The following F13A1 variants were observed in gnomAD, a reference collection of about 807,000 sequenced individuals.
F13A1 encodes FSF, A subunit.
F13A1 carries 47 observed loss-of-function variants against 80.1 expected under a neutral mutation model. The observed-to-expected ratio is 0.59, with a 90% CI of 0.46 to 0.75. F13A1 has a LOEUF of 0.75. Among genes scored for constraint, F13A1 ranks in the 30% least tolerant of loss-of-function variants. The probability of loss-of-function intolerance (pLI) is 0.00; values close to 1 mark genes in which losing one functional copy is unlikely to be tolerated. For missense variants in F13A1, 817 were observed against 930.4 expected (o/e 0.88, Z 1.59); for synonymous variants, 349 against 344.9 (o/e 1.01, Z -0.13).
chr6:6,286,088 A>C (rs1758136118), intron 3 of F13A1, among the ~76,000 whole-genome samples: 1 of 152,384 alleles, frequency 6.6e-6, no homozygotes, highest in Admixed American at 6.5e-5. Context: ...AGACCCCAGA[A>C]GTATGCCAAC....
chr6:6,161,519 A>C (rs1206302401), intron 13 of F13A1, among the ~76,000 whole-genome samples: 1 of 102,494 alleles, frequency 9.8e-6, no homozygotes, highest in Non-Finnish European at 2.1e-5. Context: ...AAGTTCAGAG[A>C]GAGGATGTGT....
chr6:6,295,448 G>A lies in F13A1; in HGVS notation c.319+9903C>T, dbSNP rs1408091469. Reference sequence around the variant, plus strand: ...TAATGATTGCCATTCTAACTGGTGTGAGATGGCATCTCATTGTGGTTTTGA... The same window carrying A: ...TAATGATTGCCATTCTAACTGGTGTAAGATGGCATCTCATTGTGGTTTTGA... On this transcript the variant is annotated intron_variant, in intron 3 of 14. Transcript: ENST00000264870. 1.3e-5 allele frequency among the ~76,000 whole-genome samples: 2 copies of A among 148,260 alleles called. 1 individual carries two copies. The highest frequency in any genetic ancestry group is 5.2e-5 in the African/African-American group (2 of 38,242).
At position 6,250,929 on chromosome 6, in the gene F13A1, T is replaced by C; in HGVS notation, c.572A>G (p.Asp191Gly). 1.3e-6 allele frequency: 2 copies of C among 1,593,844 alleles called. No homozygotes were observed. Among genetic ancestry groups the C allele is most frequent in the South Asian group, 1.1e-5 (1 of 90,714 alleles). Residue 191 changes from aspartate to glycine, a missense_variant and splice_region_variant, in exon 5 of 15, where the codon GAT (aspartate) becomes GGT (glycine). Physicochemically the swap from Asp to Gly is moderately conservative, Grantham distance 94. Coordinates refer to ENST00000264870, the MANE Select transcript of F13A1 (RefSeq NM_000129.4). The surrounding 1 kb of genome is among the most constrained non-coding windows in gnomAD (Gnocchi z 4.2). The stretch of plus-strand genomic sequence containing the variant: ...CTCATTGTCCAGATACACAGCATCA[T>C]CTGCATCAGGGTTTAAACATAGTGA... ...TYILFNPWCE[D>G]DAVYLDNEKE...
intron 4 of F13A1, among the ~76,000 whole-genome samples, chr6:6,258,228 T>C (rs916064251): frequency 1.3e-5 from 2 of 152,218 alleles, no homozygotes; most frequent in African/African-American, 4.8e-5. Flanking sequence ...CTATAGGACT[T>C]TGAGAAATGC....
chr6:6,273,205 A>G (rs78359565), intron 3 of F13A1, among the ~76,000 whole-genome samples: 5 of 152,312 alleles, frequency 3.3e-5, no homozygotes, highest in African/African-American at 1.2e-4. Context: ...TTAGATATCT[A>G]TTCCGCTTGT....
At chr6:6,253,641 G>C (rs769742016) in intron 4 of F13A1, among the ~76,000 whole-genome samples, 1 of 152,182 alleles carries the variant, frequency 6.6e-6, no homozygotes, top group African/African-American at 2.4e-5. Flanking sequence ...CCCTGAGTAA[G>C]TGCTTATTGT....
chr6:6,306,009 G>A (rs1312084761), intron 2 of F13A1, among the ~76,000 whole-genome samples: 1 of 152,120 alleles, frequency 6.6e-6, no homozygotes, highest in African/African-American at 2.4e-5. Flanking sequence ...AGCCTCAAGG[G>A]GACATTCGAA....
chr6:6,148,948 C>T (rs1199184678), intron 14 of F13A1, among the ~76,000 whole-genome samples: 1 of 149,744 alleles, frequency 6.7e-6, no homozygotes, highest in East Asian at 2.0e-4. Flanking sequence ...ATAAACCAGA[C>T]ATGGAAAGAC....
At chr6:6,281,993 CAAAAAAAAAAA>C (rs10584369) in intron 3 of F13A1, among the ~76,000 whole-genome samples, 1 of 93,396 alleles carries the variant, frequency 1.1e-5, no homozygotes, top group East Asian at 3.2e-4. Flanking sequence ...GACTCCGTCT[CAAAAAAAAAAA>C]AAAAAAAAAA....
At chr6:6,246,435 G>A (rs1395510166) in intron 6 of F13A1, among the ~76,000 whole-genome samples, 2 of 152,234 alleles carry the variant, frequency 1.3e-5, no homozygotes, top group Non-Finnish European at 2.9e-5. Flanking sequence ...AGGGTATGAC[G>A]GAAATGGAAA....
At chr6:6,229,234 G>T (rs1031432038) in intron 6 of F13A1, among the ~76,000 whole-genome samples, 32 of 151,788 alleles carry the variant, frequency 2.1e-4, no homozygotes, top group African/African-American at 7.5e-4. Flanking sequence ...AGAGAGAGAG[G>T]GAGAGATCAT....
chr6:6,240,872 C>T (rs1583089225), intron 6 of F13A1, among the ~76,000 whole-genome samples: 1 of 152,092 alleles, frequency 6.6e-6, no homozygotes, highest in South Asian at 2.1e-4. Context: ...ATAGAAATGA[C>T]TTTCATTCTT....
At chr6:6,226,935 G>A (rs1247302133) in intron 6 of F13A1, among the ~76,000 whole-genome samples, 3 of 152,072 alleles carry the variant, frequency 2.0e-5, no homozygotes, top group Non-Finnish European at 4.4e-5. Flanking sequence ...TGATGCTGGG[G>A]GGCCTAATAG....
rs547317618 is a variant in F13A1, at chr6:6,153,469, C to T, written c.1909-1520G>A. On this transcript the variant is annotated intron_variant, in intron 13 of 14. Coordinates refer to ENST00000264870, the MANE Select transcript of F13A1 (RefSeq NM_000129.4). ...TTATGGCTTTACTCATCAAGCCATG[C>T]TTTGTGACTAAATTTATGGCTATGG... 1.1e-3 allele frequency among the ~76,000 whole-genome samples: 164 copies of T among 152,244 alleles called. 2 individuals carry two copies. The highest frequency in any genetic ancestry group is 3.8e-3 in the African/African-American group (159 of 41,548).
chr6:6,193,065 T>G (rs1761230473), intron 10 of F13A1, among the ~76,000 whole-genome samples: 1 of 151,684 alleles, frequency 6.6e-6, no homozygotes, highest in Admixed American at 6.6e-5. Context: ...GGGCTTCAGA[T>G]CCACAGGAAC....
intron 3 of F13A1, among the ~76,000 whole-genome samples, chr6:6,301,301 C>A (rs750553667): frequency 2.6e-5 from 4 of 152,164 alleles, no homozygotes; most frequent in Non-Finnish European, 5.9e-5. Flanking sequence ...AAGATAAATC[C>A]TCTACCATGG....
chr6:6,225,163 A>C (rs1757258741), intron 6 of F13A1, among the ~76,000 whole-genome samples: 1 of 152,218 alleles, frequency 6.6e-6, no homozygotes, highest in Admixed American at 6.5e-5. Context: ...TACATAGGAC[A>C]CTTGGTTTGG....
intron 13 of F13A1, 104 bp from the exon 14 acceptor site, chr6:6,152,053 T>C (rs1760389827): frequency 6.9e-7 from 1 of 1,447,600 alleles, no homozygotes; most frequent in Admixed American, 1.9e-5. Context: ...ATACAGTTAT[T>C]TTTTTGGCAA....
intron 13 of F13A1, among the ~76,000 whole-genome samples, chr6:6,165,132 T>A (rs1175390428): frequency 1.3e-5 from 2 of 152,134 alleles, no homozygotes; most frequent in Non-Finnish European, 2.9e-5. Flanking sequence ...AGAATCTCCA[T>A]CTCTCTCATG....
Sources: allele counts gnomAD v4.1 joint callset (sites outside exome capture counted in the v4.1 genomes callset), GRCh38; gene constraint gnomAD v4.1.1; non-coding constraint Gnocchi (gnomAD v3.1); transcripts MANE v1.5; gene names NCBI Gene and HGNC (gene_info 2026-07-23, HGNC 2026-07-21).